The following BICRAL variants were observed in gnomAD, a reference collection of about 807,000 sequenced individuals.
BICRAL encodes BICRA like chromatin remodeling complex associated protein.
BICRAL carries 8 observed loss-of-function variants against 91.8 expected under a neutral mutation model. The ratio of observed to expected loss-of-function variants is 0.09; its 90% confidence interval spans 0.05 to 0.16. The LOEUF is 0.16. BICRAL is among the 10% of genes least tolerant of loss of function. The probability of loss-of-function intolerance (pLI) is 1.00; values close to 1 mark genes in which losing one functional copy is unlikely to be tolerated. For missense variants in BICRAL, 1,038 were observed against 1,310.9 expected (o/e 0.79, Z 3.21); for synonymous variants, 445 against 491.1 (o/e 0.91, Z 1.24).
In BICRAL at chr6:42,828,527, G is replaced by C; in HGVS notation, c.194G>C (p.Ser65Thr). 1 of 1,613,568 alleles carries C rather than the reference G, an allele frequency of 6.2e-7. No individual in the cohort carries two copies. The highest frequency in any genetic ancestry group is 1.1e-5 in the South Asian group (1 of 91,038). The change falls in exon 6 of 13, where the codon AGC becomes ACC. Residue 65 changes from serine (S) to threonine (T), a missense_variant. Physicochemically the swap from Ser to Thr is moderately conservative, Grantham distance 58. This residue lies in a region of BICRAL where 115 missense variants were observed against 121.5 expected (regional missense o/e 0.95). Coordinates refer to ENST00000314073, the MANE Select transcript of BICRAL (RefSeq NM_001393499.1). ...CCTAAGTCATCCCTCAAAGGTGTAA[G>C]CAACCAGCTTGGAGAAGGGCCCAGT... ...ADPKSSLKGV[S>T]NQLGEGPSDG... is the part of the protein sequence containing the mutation.
chr6:42,854,914 A>C (rs1765300276), intron 8 of BICRAL, among the ~76,000 whole-genome samples: 1 of 152,134 alleles, frequency 6.6e-6, no homozygotes, highest in Non-Finnish European at 1.5e-5. Flanking sequence ...TTTAAACCTA[A>C]AAGATTTCAA....
chr6:42,747,527 T>G (rs1056907782), intron 1 of BICRAL, among the ~76,000 whole-genome samples: 1 of 152,184 alleles, frequency 6.6e-6, no homozygotes, highest in African/African-American at 2.4e-5. Context: ...CTCTCTTCCT[T>G]TCCTTCCCAC....
intron 2 of BICRAL, among the ~76,000 whole-genome samples, chr6:42,817,156 GTGTGTGTGTGTGTGTGTATATA>G (rs902592103): frequency 7.9e-5 from 12 of 151,568 alleles, no homozygotes; most frequent in Admixed American, 3.9e-4. Context: ...ATATGTGTGT[GTGTGTGTGTGTGTGTGTATATA>G]TGTGTGTGTG....
At chr6:42,780,319 C>T (rs892046457), upstream of BICRAL, among the ~76,000 whole-genome samples, 6 of 152,066 alleles carry the variant, frequency 3.9e-5, no homozygotes, top group African/African-American at 1.2e-4. Flanking sequence ...GGTGTACTAC[C>T]ATTACATTTT....
At chr6:42,853,064 C>CA (rs35328845) in intron 7 of BICRAL, among the ~76,000 whole-genome samples, 40,401 of 97,494 alleles carry the variant, frequency 0.41, 6,675 homozygotes, top group South Asian at 0.56. Flanking sequence ...GACCTTGTCT[C>CA]AAAAAAAAAA....
chr6:42,772,049 C>T lies in BICRAL; in HGVS notation c.-260-9790C>T, dbSNP rs572503976. On this transcript the variant is annotated intron_variant, in intron 1 of 14. Transcript: ENST00000614467. ...TAAAGTGATCAGTGGGTAATAGAGG[C>T]GTGTATAGAGTGCATAGAGAAGGGA... Among the ~76,000 whole-genome samples the T allele has an allele frequency of 3.3e-5, 5 of 151,910 alleles. No individual in the cohort carries two copies. The East Asian group carries it at 5.8e-4, about 18-fold the overall frequency.
At chr6:42,811,079 G>A (rs951638641) in intron 2 of BICRAL, among the ~76,000 whole-genome samples, 1 of 152,122 alleles carries the variant, frequency 6.6e-6, no homozygotes, top group Admixed American at 6.6e-5. Flanking sequence ...GAGTAACCGG[G>A]TCTGGATTTA....
At chr6:42,841,183 A>ATTTT (rs70990150) in intron 6 of BICRAL, among the ~76,000 whole-genome samples, 10 of 80,678 alleles carry the variant, frequency 1.2e-4, no homozygotes, top group African/African-American at 1.7e-4. Context: ...ACTCTTGAAT[A>ATTTT]TTTTTTTTTT....
intron 8 of BICRAL, among the ~76,000 whole-genome samples, chr6:42,855,469 G>A: frequency 6.6e-6 from 1 of 152,052 alleles, no homozygotes. Context: ...TTGAGCCTGG[G>A]AAGCAGAGGT....
intron 6 of BICRAL, among the ~76,000 whole-genome samples, chr6:42,843,398 G>A (rs1321112115): frequency 6.6e-6 from 1 of 152,180 alleles, no homozygotes; most frequent in Non-Finnish European, 1.5e-5. Context: ...GGCGAGTAGG[G>A]TGTTAGGTGG....
intron 1 of BICRAL, among the ~76,000 whole-genome samples, chr6:42,794,384 C>G (rs1011964750): frequency 1.3e-5 from 2 of 151,100 alleles, no homozygotes; most frequent in Admixed American, 1.3e-4. Context: ...ACATAAAATA[C>G]TTAATGCCGG....
chr6:42,823,080 C>T (rs1764190865), intron 5 of BICRAL, 77 bp downstream of exon 5: 1 of 811,402 alleles, frequency 1.2e-6, no homozygotes, highest in African/African-American at 1.7e-5. Context: ...CCTTTAACTG[C>T]CTTTGTATCA....
chr6:42,853,490 C>A, intron 7 of BICRAL, 148 bp from the exon 8 acceptor site: 1 of 609,830 alleles, frequency 1.6e-6, no homozygotes, highest in Non-Finnish European at 3.0e-6. Context: ...AATGCACTAC[C>A]CTGCCCTCCT....
At chr6:42,844,385 T>G (rs957477149) in intron 6 of BICRAL, among the ~76,000 whole-genome samples, 20 of 150,966 alleles carry the variant, frequency 1.3e-4, no homozygotes, top group Admixed American at 1.3e-3. Flanking sequence ...GGCGGGCACC[T>G]GTAGTCCCAG....
chr6:42,830,554 G>A (rs1259532187), intron 6 of BICRAL, among the ~76,000 whole-genome samples: 1 of 139,290 alleles, frequency 7.2e-6, no homozygotes, highest in Non-Finnish European at 1.6e-5. Flanking sequence ...GTGAGACCCT[G>A]TCTCAAAAAA....
At chr6:42,809,755 C>T (rs979486642) in intron 1 of BICRAL, among the ~76,000 whole-genome samples, 1 of 151,876 alleles carries the variant, frequency 6.6e-6, no homozygotes, top group Non-Finnish European at 1.5e-5. Context: ...GAATTATAAG[C>T]CACCGTGCCC....
intron 1 of BICRAL, among the ~76,000 whole-genome samples, chr6:42,768,769 A>G (rs1355797829): frequency 6.6e-6 from 1 of 152,030 alleles, no homozygotes; most frequent in Non-Finnish European, 1.5e-5. Flanking sequence ...CTTCTCCAAA[A>G]TGGTGGCATT....
chr6:42,791,090 T>A (rs1342763304), intron 1 of BICRAL, among the ~76,000 whole-genome samples: 3 of 151,972 alleles, frequency 2.0e-5, no homozygotes, highest in Non-Finnish European at 4.4e-5. Context: ...GCTGTCAGAA[T>A]GCTGTGTGGG....
Position 42,849,881 on chromosome 6 carries a change from A to G in BICRAL, c.1840-2211A>G, listed in dbSNP as rs117100110. On this transcript the variant is annotated intron_variant, in intron 6 of 12. Coordinates refer to ENST00000314073, the MANE Select transcript of BICRAL (RefSeq NM_001393499.1). ...AGCCTGGGCAACATGGTTAAATCTC[A>G]TCTCTACCAAAAAATACAAAAATTA... is the stretch of plus-strand genomic sequence containing the variant. Among the ~76,000 whole-genome samples, 1,168 of 151,942 alleles carry G rather than the reference A, an allele frequency of 7.7e-3. 27 individuals are homozygous for G. The highest frequency in any genetic ancestry group is 0.048 in the East Asian group (243 of 5,084).
Sources: gnomAD v4.1 joint callset for allele counts (sites outside exome capture counted in the v4.1 genomes callset) on GRCh38, gnomAD v4.1.1 for gene constraint, gnomAD v4.1.1 regional missense constraint, MANE v1.5 for transcripts, NCBI Gene and HGNC (gene_info 2026-07-23, HGNC 2026-07-21) for gene names.